The following EPHB1 variants were observed in gnomAD, a reference collection of about 807,000 sequenced individuals.
EPHB1 encodes the protein EPH receptor B1, also known as ephrin type-B receptor 1.
A neutral mutation model predicts 94.4 loss-of-function variants in EPHB1; 30 were observed. That is an observed-to-expected ratio of 0.32 (90% CI 0.24 to 0.43). EPHB1 has a LOEUF of 0.43. Among genes scored for constraint, EPHB1 ranks in the 20% least tolerant of loss-of-function variants. The pLI, the probability that EPHB1 is intolerant of heterozygous loss-of-function variation, is 1.00. For synonymous variants in EPHB1, 522 were observed against 489.1 expected, an observed-to-expected ratio of 1.07 and a Z score of -0.89; for missense variants, 1,055 against 1,308.3, an observed-to-expected ratio of 0.81 and a Z score of 2.99.
At chr3:134,826,029 C>G (rs1198553372) in intron 1 of EPHB1, among the ~76,000 whole-genome samples, 1 of 147,060 alleles carries the variant, frequency 6.8e-6, no homozygotes, top group Non-Finnish European at 1.5e-5. Flanking sequence ...ATCACGAGGT[C>G]AGGAGTTTGA....
chr3:134,956,582 G>T (rs1291101931), intron 3 of EPHB1, among the ~76,000 whole-genome samples: 2 of 152,094 alleles, frequency 1.3e-5, no homozygotes, highest in Non-Finnish European at 2.9e-5. Context: ...GAGGAAGGGG[G>T]TATGCTTGGG....
chr3:134,989,254 G>T (rs1189659728), intron 3 of EPHB1, among the ~76,000 whole-genome samples: 1 of 152,110 alleles, frequency 6.6e-6, no homozygotes, highest in Non-Finnish European at 1.5e-5. Context: ...CACCAGAGGG[G>T]GAACATTACA....
chr3:135,242,791 G>A (rs1943817335), intron 13 of EPHB1, among the ~76,000 whole-genome samples: 1 of 152,168 alleles, frequency 6.6e-6, no homozygotes, highest in African/African-American at 2.4e-5. Flanking sequence ...AGAAAAAGCA[G>A]ACCCAGCAGG....
Position 134,925,883 on chromosome 3 carries a change from G to A in EPHB1, c.123+3G>A, listed in dbSNP as rs1319638453. 1 of 1,599,574 alleles carries A rather than the reference G, an allele frequency of 6.3e-7. No individual in the cohort carries two copies. Among genetic ancestry groups the A allele is most frequent in the Non-Finnish European group, 8.5e-7 (1 of 1,172,610 alleles). On this transcript the variant is annotated splice_donor_region_variant and intron_variant, in intron 2 of 15. Coordinates refer to ENST00000398015, the MANE Select transcript of EPHB1 (RefSeq NM_004441.5). ...GGACGGCCAATCCTGCGTCCGGGGT[G>A]AGTATCAAACCATTCGTCTTTCAGT...
intron 1 of EPHB1, among the ~76,000 whole-genome samples, chr3:134,851,376 T>A (rs2036980748): frequency 6.6e-6 from 1 of 151,936 alleles, no homozygotes; most frequent in Non-Finnish European, 1.5e-5. Flanking sequence ...GATCCCCATC[T>A]CCCCTCTCCT....
chr3:135,091,081 CACTT>C (rs1383778676), intron 3 of EPHB1, among the ~76,000 whole-genome samples: 1 of 152,230 alleles, frequency 6.6e-6, no homozygotes, highest in East Asian at 1.9e-4. Flanking sequence ...CTCTTAGCTA[CACTT>C]ACTTAAACAG....
intron 2 of EPHB1, among the ~76,000 whole-genome samples, chr3:134,938,328 A>G (rs959763629): frequency 4.6e-5 from 7 of 152,190 alleles, no homozygotes; most frequent in Admixed American, 1.3e-4. Flanking sequence ...CCAAGCCTGC[A>G]GTATTTTCCC....
intron 1 of EPHB1, among the ~76,000 whole-genome samples, chr3:134,893,211 G>A (rs558695754): frequency 1.3e-5 from 2 of 152,266 alleles, no homozygotes; most frequent in East Asian, 3.9e-4. Context: ...ATTAGCAAAT[G>A]TAAGCCTATA....
intron 11 of EPHB1, among the ~76,000 whole-genome samples, chr3:135,200,421 C>T (rs556685153): frequency 1.5e-4 from 23 of 149,058 alleles, no homozygotes; most frequent in South Asian, 1.0e-3. Context: ...CTGTGCCAGA[C>T]GCTGTGCATG....
chr3:134,846,598 G>T (rs1324574936), intron 1 of EPHB1, among the ~76,000 whole-genome samples: 1 of 152,142 alleles, frequency 6.6e-6, no homozygotes, highest in Admixed American at 6.5e-5. Flanking sequence ...CCACGGAGTT[G>T]CTTCAAAATC....
intron 3 of EPHB1, among the ~76,000 whole-genome samples, chr3:134,989,497 GCACACACA>G (rs61202894): frequency 6.7e-6 from 1 of 149,868 alleles, no homozygotes; most frequent in East Asian, 2.0e-4. Context: ...ACGCGCGCGT[GCACACACA>G]CACACACACA....
chr3:134,802,650 G>A (rs916918584), intron 1 of EPHB1, among the ~76,000 whole-genome samples: 3 of 152,194 alleles, frequency 2.0e-5, no homozygotes, highest in Non-Finnish European at 2.9e-5. Flanking sequence ...GTACAGACAG[G>A]ATTGAGGTCA....
intron 1 of EPHB1, among the ~76,000 whole-genome samples, chr3:134,812,577 A>G (rs2036197683): frequency 6.6e-6 from 1 of 152,234 alleles, no homozygotes; most frequent in Non-Finnish European, 1.5e-5. Context: ...ATATTTGAGT[A>G]CATGTCTTTA....
chr3:134,941,478 C>T (rs1047989229), intron 2 of EPHB1, among the ~76,000 whole-genome samples: 66 of 142,022 alleles, frequency 4.6e-4, no homozygotes, highest in Middle Eastern at 4.1e-3. Context: ...AATCTCTCAC[C>T]TTCATTTTAT....
chr3:135,119,632 A>G (rs1939866077), intron 4 of EPHB1, among the ~76,000 whole-genome samples: 1 of 151,940 alleles, frequency 6.6e-6, no homozygotes, highest in Admixed American at 6.6e-5. Context: ...TTGTATTTTT[A>G]GTAGAGGTGG....
chr3:135,015,980 A>T (rs750937902), intron 3 of EPHB1, among the ~76,000 whole-genome samples: 9 of 152,136 alleles, frequency 5.9e-5, no homozygotes, highest in Non-Finnish European at 1.2e-4. Context: ...AGAGGAGAAG[A>T]GTGGTTGAGA....
At chr3:135,059,344 T>G (rs1937430482) in intron 3 of EPHB1, among the ~76,000 whole-genome samples, 1 of 152,242 alleles carries the variant, frequency 6.6e-6, no homozygotes, top group Admixed American at 6.5e-5. Context: ...TCTGGAATAT[T>G]ATGACATGGG....
chr3:134,997,955 G>C (rs1935047890), intron 3 of EPHB1, among the ~76,000 whole-genome samples: 1 of 152,138 alleles, frequency 6.6e-6, no homozygotes, highest in African/African-American at 2.4e-5. Context: ...GGGGTTAATA[G>C]CTTATTCTAG....
At chr3:134,811,389 C>T (rs2036177195) in intron 1 of EPHB1, among the ~76,000 whole-genome samples, 1 of 152,090 alleles carries the variant, frequency 6.6e-6, no homozygotes, top group East Asian at 1.9e-4. Flanking sequence ...TAGGCGAGCA[C>T]CACCATGGCT....
Sources: gnomAD v4.1 joint callset for allele counts (sites outside exome capture counted in the v4.1 genomes callset) on GRCh38, gnomAD v4.1.1 for gene constraint, MANE v1.5 for transcripts, NCBI Gene and HGNC (gene_info 2026-07-23, HGNC 2026-07-21) for gene names.